GPHN: variants seen among roughly 807,000 people sequenced by gnomAD.
GPHN encodes gephyrin.
Under a neutral mutation model 95.5 loss-of-function variants are expected in GPHN, and 17 were observed. The ratio of observed to expected loss-of-function variants is 0.18; its 90% CI spans 0.12 to 0.27. GPHN has a LOEUF of 0.27. Ranked by LOEUF, GPHN falls within the 10% of genes least tolerant of loss-of-function variation. The pLI, the probability that GPHN is intolerant of heterozygous loss-of-function variation, is 1.00. For missense variants in GPHN, 660 were observed against 978.1 expected (o/e 0.67, Z 4.34); for synonymous variants, 320 against 322.5 (o/e 0.99, Z 0.08).
chr14:66,564,389 A>G (rs2060377368), intron 1 of GPHN, among the ~76,000 whole-genome samples: 1 of 152,288 alleles, frequency 6.6e-6, no homozygotes, highest in East Asian at 1.9e-4. Flanking sequence ...AATTCAATAA[A>G]TTTAGCTTTA....
chr14:67,461,411 C>G, the GPHN span, among the ~76,000 whole-genome samples: 2 of 152,154 alleles, frequency 1.3e-5, no homozygotes, highest in Non-Finnish European at 2.9e-5. Flanking sequence ...AGGAAGTTCC[C>G]AGGGGTACAT....
At chr14:67,092,708 G>A (rs542410292) in intron 12 of GPHN, among the ~76,000 whole-genome samples, 1 of 151,928 alleles carries the variant, frequency 6.6e-6, no homozygotes, top group African/African-American at 2.4e-5. Flanking sequence ...AAGAAGGCAG[G>A]AATAAAGTAA....
the GPHN span, among the ~76,000 whole-genome samples, chr14:67,207,623 C>T: frequency 1.3e-5 from 2 of 152,150 alleles, no homozygotes; most frequent in African/African-American, 4.8e-5. Context: ...AGAAAGTTGG[C>T]TTTAGGGCCT....
chr14:67,731,178 A>G, the GPHN span, among the ~76,000 whole-genome samples: 1 of 149,120 alleles, frequency 6.7e-6, no homozygotes, highest in African/African-American at 2.5e-5. Context: ...GTGGCTCACA[A>G]TTGTGTTTCT....
the GPHN span, chr14:67,587,309 C>T: frequency 1.3e-6 from 2 of 1,547,128 alleles, no homozygotes; most frequent in Non-Finnish European, 1.8e-6. Flanking sequence ...GGGTATGATA[C>T]TACTGTGACG....
chr14:66,803,609 T>G (rs912544642), intron 3 of GPHN, among the ~76,000 whole-genome samples: 19 of 152,220 alleles, frequency 1.2e-4, no homozygotes, highest in Non-Finnish European at 2.5e-4. Flanking sequence ...TCCTATTCTA[T>G]CTTCTCTTTC....
At chr14:66,993,751 AC>A (rs1241636461) in intron 9 of GPHN, among the ~76,000 whole-genome samples, 1 of 152,190 alleles carries the variant, frequency 6.6e-6, no homozygotes, top group Non-Finnish European at 1.5e-5. Context: ...TGTAAACTCT[AC>A]TTACTTTAAG....
the GPHN span, among the ~76,000 whole-genome samples, chr14:67,342,557 CT>C: frequency 3.5e-3 from 475 of 136,936 alleles, 2 homozygotes; most frequent in African/African-American, 5.4e-3. Flanking sequence ...ACGAATTATC[CT>C]TTTTTTTTTT....
chr14:66,733,673 A>G (rs769795697), intron 2 of GPHN, among the ~76,000 whole-genome samples: 3 of 152,212 alleles, frequency 2.0e-5, no homozygotes, highest in African/African-American at 4.8e-5. Context: ...AGACTAACAT[A>G]ATTCCTGATC....
At chr14:67,239,443 C>G in the GPHN span, among the ~76,000 whole-genome samples, 1 of 152,066 alleles carries the variant, frequency 6.6e-6, no homozygotes, top group Non-Finnish European at 1.5e-5. Flanking sequence ...ACAGTCCCCA[C>G]AAGAATTATC....
At chr14:67,056,565 C>T (rs998787317) in intron 10 of GPHN, among the ~76,000 whole-genome samples, 1 of 149,916 alleles carries the variant, frequency 6.7e-6, no homozygotes, top group African/African-American at 2.5e-5. Context: ...TCCACAAACC[C>T]GAGCTAGACA....
chr14:66,868,355 G>A lies in GPHN; in HGVS notation c.295-11584G>A, dbSNP rs530798483. ...GATTTTTCACAGAGTCACTATGCAT[G>A]TAAAGTATTTCTGCACATTTAGATA... On this transcript the variant is annotated intron_variant, in intron 4 of 22. Coordinates refer to ENST00000478722, the MANE Select transcript of GPHN (RefSeq NM_020806.5). 1.4e-4 allele frequency among the ~76,000 whole-genome samples: 21 copies of A among 152,198 alleles called. 2 individuals carry two copies. Among genetic ancestry groups the A allele is most frequent in the African/African-American group, 4.8e-4 (20 of 41,530 alleles).
chr14:67,676,244 G>C, the GPHN span, among the ~76,000 whole-genome samples: 19 of 152,314 alleles, frequency 1.2e-4, no homozygotes, highest in African/African-American at 4.3e-4. Flanking sequence ...TTGCTAATTT[G>C]TATCTCCTGG....
chr14:67,589,451 C>T, the GPHN span: 57 of 985,256 alleles, frequency 5.8e-5, no homozygotes, highest in East Asian at 5.3e-3. Context: ...TGCTGAGTAA[C>T]AGAAAAGTAT....
intron 4 of GPHN, among the ~76,000 whole-genome samples, chr14:66,845,657 AT>A (rs2062292538): frequency 6.6e-6 from 1 of 152,124 alleles, no homozygotes; most frequent in South Asian, 2.1e-4. Flanking sequence ...GGAACCAGCA[AT>A]GGGAACAGGA....
the GPHN span, chr14:67,562,017 C>T: frequency 1.2e-6 from 2 of 1,613,810 alleles, no homozygotes; most frequent in African/African-American, 1.3e-5. Context: ...GGTGGGATCC[C>T]TTCAAGATGC....
chr14:67,207,911 A>G, the GPHN span, among the ~76,000 whole-genome samples: 1 of 152,206 alleles, frequency 6.6e-6, no homozygotes, highest in Non-Finnish European at 1.5e-5. Flanking sequence ...CAATTCACAG[A>G]GAAGTACTGT....
Position 66,741,675 on chromosome 14 carries a change from T to C in GPHN, c.144-34789T>C, listed in dbSNP as rs1174438536. On this transcript the variant is annotated intron_variant, in intron 2 of 22. Transcript: ENST00000478722. Reference sequence around the variant, plus strand: ...TTTCAAGTTTGTACATATGTTACTTTACTAAAAATAAAAGTTAATTTTCTA... The same window carrying C: ...TTTCAAGTTTGTACATATGTTACTTCACTAAAAATAAAAGTTAATTTTCTA... 3.3e-5 allele frequency among the ~76,000 whole-genome samples: 5 copies of C among 152,336 alleles called. No homozygotes were observed. The East Asian group carries it at 5.8e-4, about 18-fold the overall frequency.
the GPHN span, chr14:67,301,912 ATCAC>A: frequency 6.6e-7 from 1 of 1,524,288 alleles, no homozygotes; most frequent in Non-Finnish European, 8.8e-7. Context: ...TAGGTTAAAA[ATCAC>A]TCTGCAGAAA....
Sources: allele counts gnomAD v4.1 joint callset (sites outside exome capture counted in the v4.1 genomes callset), GRCh38; gene constraint gnomAD v4.1.1; transcripts MANE v1.5; gene names NCBI Gene and HGNC (gene_info 2026-07-23, HGNC 2026-07-21).